Variants in DPYD observed in about 807,000 individuals in gnomAD.
DPYD encodes dihydropyrimidine dehydrogenase [NADP(+)].
Under a neutral mutation model 116.2 loss-of-function variants are expected in DPYD, and 109 were observed. That is an observed-to-expected ratio of 0.94 (90% CI 0.80 to 1.10). DPYD has a LOEUF of 1.10. Ranked by LOEUF, DPYD falls within the 50% of genes least tolerant of loss-of-function variation. DPYD has a pLI of 0.00. For missense variants in DPYD, 1,302 were observed against 1,254.5 expected, an observed-to-expected ratio of 1.04 and a Z score of -0.57; for synonymous variants, 440 against 432.0, an observed-to-expected ratio of 1.02 and a Z score of -0.23.
At chr1:97,385,538 AC>A (rs1258223008) in intron 14 of DPYD, among the ~76,000 whole-genome samples, 8 of 147,968 alleles carry the variant, frequency 5.4e-5, no homozygotes, top group African/African-American at 1.7e-4. Flanking sequence ...AAAAAAAAAA[AC>A]AAAATAAAAC....
intron 20 of DPYD, among the ~76,000 whole-genome samples, chr1:97,140,467 C>A (rs1355045639): frequency 1.3e-5 from 2 of 152,092 alleles, no homozygotes; most frequent in Non-Finnish European, 2.9e-5. Context: ...CTCTGAAGAT[C>A]CCACAGAGGT....
intron 4 of DPYD, among the ~76,000 whole-genome samples, chr1:97,724,286 A>T (rs1401367184): frequency 2.5e-4 from 1 of 4,038 alleles, no homozygotes; most frequent in Non-Finnish European, 8.4e-4. Context: ...AAAGAATAGG[A>T]TGTATGTGGG....
At position 97,185,519 on chromosome 1, in the gene DPYD, T is replaced by C. The variant is rs79710612; in HGVS notation, c.2622+7550A>G. On this transcript the variant is annotated intron_variant, in intron 20 of 22. Coordinates refer to ENST00000370192, the MANE Select transcript of DPYD (RefSeq NM_000110.4). ...ATGAAAACATGTTCACAAAAGGAGT[T>C]ATGCAAGTATGTTTATAGCAAAAAT... Among the ~76,000 whole-genome samples the C allele has an allele frequency of 8.8e-4, 134 of 152,116 alleles. 1 individual carries two copies. The East Asian group carries it at 0.022, about 25-fold the overall frequency.
At chr1:97,589,408 T>A (rs1357823121) in intron 10 of DPYD, among the ~76,000 whole-genome samples, 6 of 152,204 alleles carry the variant, frequency 3.9e-5, no homozygotes, top group South Asian at 4.1e-4. Context: ...CTCACAGATC[T>A]GATGATTGTA....
At chr1:97,714,165 C>T (rs1419930321) in intron 5 of DPYD, among the ~76,000 whole-genome samples, 2 of 151,996 alleles carry the variant, frequency 1.3e-5, no homozygotes, top group Non-Finnish European at 2.9e-5. Context: ...AATAAAACTG[C>T]AGATAAACAC....
intron 10 of DPYD, among the ~76,000 whole-genome samples, chr1:97,576,140 A>G (rs1449705671): frequency 6.6e-6 from 1 of 152,178 alleles, no homozygotes; most frequent in Non-Finnish European, 1.5e-5. Flanking sequence ...TATGTAAAAT[A>G]TGTTTTCTGT....
chr1:97,482,522 G>A (rs1286403333), intron 13 of DPYD, among the ~76,000 whole-genome samples: 1 of 152,102 alleles, frequency 6.6e-6, no homozygotes, highest in Non-Finnish European at 1.5e-5. Flanking sequence ...TTCAAGTAAG[G>A]GCTGAATCAG....
rs767675801 is a variant in DPYD, at chr1:97,820,030, G to A, written c.233+8084C>T. On this transcript the variant is annotated intron_variant, in intron 3 of 22. Coordinates refer to ENST00000370192, the MANE Select transcript of DPYD (RefSeq NM_000110.4). The stretch of plus-strand genomic sequence containing the variant: ...TATTATCTTTAAATCTTATTCAGAG[G>A]AACAAAATTACTCGGTTCATGGTTT... Among the ~76,000 whole-genome samples, 4 of 152,014 alleles carry A rather than the reference G, an allele frequency of 2.6e-5. No homozygotes were observed. In the East Asian group the frequency reaches 7.7e-4, roughly 29 times the overall value.
At chr1:97,793,794 A>T (rs1667433308) in intron 3 of DPYD, among the ~76,000 whole-genome samples, 1 of 152,200 alleles carries the variant, frequency 6.6e-6, no homozygotes. Flanking sequence ...AATATTTGCA[A>T]CCCTAGGGTA....
At chr1:97,647,471 T>A (rs1043979400) in intron 8 of DPYD, among the ~76,000 whole-genome samples, 1 of 152,110 alleles carries the variant, frequency 6.6e-6, no homozygotes, top group African/African-American at 2.4e-5. Flanking sequence ...ATACAGTTTT[T>A]ATTCTAATGT....
intron 10 of DPYD, among the ~76,000 whole-genome samples, chr1:97,583,685 T>A (rs1653868322): frequency 6.6e-6 from 1 of 150,578 alleles, no homozygotes; most frequent in Non-Finnish European, 1.5e-5. Context: ...AGGTATCTTT[T>A]AAGAGACTGA....
chr1:97,197,918 G>A (rs938424306), intron 19 of DPYD, among the ~76,000 whole-genome samples: 4 of 152,126 alleles, frequency 2.6e-5, no homozygotes, highest in Admixed American at 1.3e-4. Context: ...TGCTGGAGGG[G>A]ACCACTTCAG....
At chr1:97,832,045 T>TTTTGTGTGTGTGTGTGTG (rs373676873) in intron 2 of DPYD, among the ~76,000 whole-genome samples, 1 of 133,950 alleles carries the variant, frequency 7.5e-6, no homozygotes, top group South Asian at 2.7e-4. Flanking sequence ...ATATAATGTA[T>TTTTGTGTGTGTGTGTGTG]TGTGTGTGTG....
chr1:97,424,453 G>A (rs1397132013), intron 14 of DPYD, among the ~76,000 whole-genome samples: 2 of 152,068 alleles, frequency 1.3e-5, no homozygotes, highest in African/African-American at 2.4e-5. Context: ...GAAGCACAGT[G>A]TGAAAACAAG....
At chr1:97,312,134 A>T (rs1667557008) in intron 16 of DPYD, among the ~76,000 whole-genome samples, 1 of 151,858 alleles carries the variant, frequency 6.6e-6, no homozygotes, top group African/African-American at 2.4e-5. Flanking sequence ...TGTTGTCTAT[A>T]TTCCACAATA....
intron 16 of DPYD, among the ~76,000 whole-genome samples, chr1:97,326,788 T>C (rs1668726199): frequency 6.6e-6 from 1 of 151,926 alleles, no homozygotes; most frequent in African/African-American, 2.4e-5. Context: ...AAACATATAG[T>C]CAAAGAAAAC....
chr1:97,639,500 T>C (rs752630399), intron 8 of DPYD, among the ~76,000 whole-genome samples: 44 of 152,176 alleles, frequency 2.9e-4, no homozygotes, highest in Non-Finnish European at 5.7e-4. Flanking sequence ...ATATAAATTT[T>C]GGAAAAAAAA....
chr1:97,790,755 A>T (rs1446756755), intron 3 of DPYD, among the ~76,000 whole-genome samples: 1 of 152,196 alleles, frequency 6.6e-6, no homozygotes, highest in African/African-American at 2.4e-5. Context: ...TATTGGAAAA[A>T]GTAGAATTAC....
intron 18 of DPYD, among the ~76,000 whole-genome samples, chr1:97,279,178 T>C (rs1665145969): frequency 6.6e-6 from 1 of 152,116 alleles, no homozygotes. Context: ...CAAGGGATTG[T>C]TTTTGAAATT....
Sources: gnomAD v4.1 joint callset for allele counts (sites outside exome capture counted in the v4.1 genomes callset) on GRCh38, gnomAD v4.1.1 for gene constraint, MANE v1.5 for transcripts, NCBI Gene and HGNC (gene_info 2026-07-23, HGNC 2026-07-21) for gene names.